NEDD4: variants seen among roughly 807,000 people sequenced by gnomAD.
NEDD4 encodes NEDD4 E3 ubiquitin protein ligase, also known as E3 ubiquitin-protein ligase NEDD4.
In NEDD4, 99 loss-of-function variants were observed where a neutral mutation model predicts 144.9. The observed-to-expected ratio is 0.68, with a 90% CI of 0.58 to 0.81. The LOEUF is 0.81. NEDD4 is among the 30% of genes least tolerant of loss of function. NEDD4 has a pLI of 0.00. For synonymous variants in NEDD4, 318 were observed against 350.6 expected (o/e 0.91, Z 1.04); for missense variants, 985 against 1,065.9 (o/e 0.92, Z 1.06).
chr15:55,835,869 T>C (rs1488208507), intron 24 of NEDD4, among the ~76,000 whole-genome samples: 1 of 152,198 alleles, frequency 6.6e-6, no homozygotes, highest in African/African-American at 2.4e-5. Context: ...AAATTGAATC[T>C]TGGTGTCTTA....
intron 1 of NEDD4, among the ~76,000 whole-genome samples, chr15:55,972,119 T>C (rs1167975464): frequency 6.6e-6 from 1 of 152,162 alleles, no homozygotes; most frequent in Non-Finnish European, 1.5e-5. Context: ...CTTCAAGAAA[T>C]GCTAAAGGGT....
intron 23 of NEDD4, 35 bp from the exon 24 acceptor site, chr15:55,837,884 C>A (rs766230903): frequency 1.2e-5 from 19 of 1,535,992 alleles, no homozygotes; most frequent in Admixed American, 3.5e-5. Flanking sequence ...TCATGTGAAC[C>A]AAGACAAAAT....
In NEDD4 at chr15:55,966,536, C is replaced by A. The variant is rs184505235; in HGVS notation, c.56G>T (p.Arg19Leu). Residue 19 changes from arginine (R) to leucine (L), a missense_variant, in exon 2 of 29, where the codon CGA (arginine) becomes CTA (leucine). Physicochemically the swap from Arg to Leu is moderately radical, Grantham distance 102 (BLOSUM62 -2). Coordinates refer to ENST00000435532, the MANE Select transcript of NEDD4 (RefSeq NM_006154.4). The stretch of plus-strand genomic sequence containing the variant: ...GGCTATAACTCTTACTCTCACAATT[C>A]GTGAATTTTCCTAAAATACAAAAAT... The part of the protein sequence containing the change: ...FGLLEDEENS[R>L]IVRVRVIAGI... 1 of 1,514,030 alleles carries A rather than the reference C, an allele frequency of 6.6e-7. No homozygotes were observed. Among genetic ancestry groups the A allele is most frequent in the Non-Finnish European group, 8.8e-7 (1 of 1,131,474 alleles). The allele number at this position is 1,514,030 out of a possible 1,614,324, so 93.8% of individuals were successfully genotyped here. A position where few individuals can be genotyped will look rare whatever the true frequency, so the allele number is the denominator to read the frequency against.
chr15:55,873,908 T>G, intron 6 of NEDD4, 50 bp downstream of exon 6: 4 of 974,028 alleles, frequency 4.1e-6, no homozygotes, highest in Non-Finnish European at 6.0e-6. Context: ...AAGTATTTAT[T>G]AAATTAAAAA....
rs546489584 is a variant in NEDD4, at chr15:55,863,067, C to T, written c.520G>A (p.Val174Ile). 8 of 1,579,700 alleles carry T rather than the reference C, an allele frequency of 5.1e-6. No individual in the cohort carries two copies. The highest frequency in any genetic ancestry group is 6.9e-6 in the Non-Finnish European group (8 of 1,157,300). The change falls in exon 9 of 29, where the codon GTT becomes ATT. Residue 174 changes from valine (V) to isoleucine (I), a missense_variant. Physicochemically the swap from Val to Ile is conservative, Grantham distance 29. Coordinates refer to ENST00000435532, the MANE Select transcript of NEDD4 (RefSeq NM_006154.4). ...CAAGCAGCATCTGGTTGGTCCAAAA[C>T]AACCCAGCCAGGCTGAAAAACAGGA... is the stretch of plus-strand genomic sequence containing the variant. ...QAEELEPGWV[V>I]LDQPDAACHL...
At chr15:55,898,183 G>T (rs2142144829) in intron 5 of NEDD4, among the ~76,000 whole-genome samples, 1 of 152,240 alleles carries the variant, frequency 6.6e-6, no homozygotes, top group Non-Finnish European at 1.5e-5. Flanking sequence ...TAATTCCTAA[G>T]TTTTTCCATA....
intron 5 of NEDD4, among the ~76,000 whole-genome samples, chr15:55,885,411 A>C (rs2035350337): frequency 1.3e-5 from 2 of 152,208 alleles, no homozygotes; most frequent in Non-Finnish European, 2.9e-5. Context: ...GAATATGATA[A>C]TACTGTAATT....
chr15:55,836,947 C>A (rs535702374), intron 24 of NEDD4, among the ~76,000 whole-genome samples: 2 of 152,306 alleles, frequency 1.3e-5, no homozygotes, highest in East Asian at 3.9e-4. Flanking sequence ...GCGTCAGCCA[C>A]CATGCCCAGC....
At chr15:55,973,391 AC>A (rs2037644390) in intron 1 of NEDD4, among the ~76,000 whole-genome samples, 1 of 149,380 alleles carries the variant, frequency 6.7e-6, no homozygotes, top group South Asian at 2.1e-4. Flanking sequence ...AAACAAAAAA[AC>A]AACAACAAAA....
Position 55,834,285 on chromosome 15 carries a change from C to A in NEDD4, c.2264G>T (p.Gly755Val). Residue 755 changes from glycine (G) to valine (V), a missense_variant and splice_region_variant, in exon 25 of 29, where the codon GGA becomes GTA. By Grantham distance (109) the Gly-to-Val change is moderately radical (BLOSUM62 -3). Coordinates refer to ENST00000435532, the MANE Select transcript of NEDD4 (RefSeq NM_006154.4). ...ATCCTGTGGTATTAGTTCAAAGAAT[C>A]CCTAGAAAAAAGATGTATTTAAAAA... The part of the protein sequence containing the change: ...IQKQMAAFKE[G>V]FFELIPQDLI... 6.2e-7 allele frequency: 1 copy of A among 1,600,080 alleles called. No homozygotes were observed.
intron 5 of NEDD4, among the ~76,000 whole-genome samples, chr15:55,877,247 A>G (rs2035026542): frequency 6.6e-6 from 1 of 152,132 alleles, no homozygotes; most frequent in Non-Finnish European, 1.5e-5. Flanking sequence ...AGTCCTGTCT[A>G]TTTAATTTCT....
intron 5 of NEDD4, among the ~76,000 whole-genome samples, chr15:55,884,043 C>T (rs1477018277): frequency 6.6e-6 from 1 of 152,074 alleles, no homozygotes; most frequent in East Asian, 1.9e-4. Context: ...CCATGTCTGG[C>T]TAATGTTTGT....
At chr15:55,979,635 G>A (rs1425529011) in intron 1 of NEDD4, among the ~76,000 whole-genome samples, 30 of 151,286 alleles carry the variant, frequency 2.0e-4, no homozygotes, top group Admixed American at 2.0e-3. Flanking sequence ...TTACAGGCGT[G>A]AGCCACCGCG....
rs1262332549 is a variant in NEDD4, at chr15:55,833,111, A to G, written c.2431-7T>C. 6.3e-7 allele frequency: 1 copy of G among 1,585,848 alleles called. No individual in the cohort carries two copies. The highest frequency in any genetic ancestry group is 8.6e-7 in the Non-Finnish European group (1 of 1,156,252). On this transcript the variant is annotated splice_polypyrimidine_tract_variant and splice_region_variant and intron_variant, in intron 26 of 28. Transcript: ENST00000435532. The stretch of plus-strand genomic sequence containing the variant: ...AATCCATCATTAAAACAGCCTGAAT[A>G]AGATAAAAACATCATTTAGGGAACA...
chr15:55,832,111 C>T (rs2032978118), intron 27 of NEDD4, among the ~76,000 whole-genome samples: 1 of 150,484 alleles, frequency 6.6e-6, no homozygotes, highest in African/African-American at 2.4e-5. Context: ...GATATGTAGT[C>T]TTCCCAGTCC....
intron 5 of NEDD4, among the ~76,000 whole-genome samples, chr15:55,910,877 T>G (rs2036250119): frequency 6.6e-6 from 1 of 152,122 alleles, no homozygotes; most frequent in Non-Finnish European, 1.5e-5. Flanking sequence ...AAAAATTGTC[T>G]TCTAAAAACC....
chr15:55,892,084 G>A (rs947369525), intron 5 of NEDD4, among the ~76,000 whole-genome samples: 2 of 151,792 alleles, frequency 1.3e-5, no homozygotes, highest in African/African-American at 2.4e-5. Context: ...TGGTCAAAAC[G>A]GCCAAACCCC....
At chr15:55,876,565 A>G (rs1431058543) in intron 5 of NEDD4, among the ~76,000 whole-genome samples, 1 of 152,222 alleles carries the variant, frequency 6.6e-6, no homozygotes, top group Non-Finnish European at 1.5e-5. Context: ...TTAATCATTA[A>G]TTGACTGCAG....
At chr15:55,939,374 T>A (rs1182665084) in intron 4 of NEDD4, among the ~76,000 whole-genome samples, 1 of 152,196 alleles carries the variant, frequency 6.6e-6, no homozygotes, top group Non-Finnish European at 1.5e-5. Context: ...AGGTGCCCGC[T>A]TCCTGTTCAT....
Sources: gnomAD v4.1 joint callset for allele counts (sites outside exome capture counted in the v4.1 genomes callset) on GRCh38, gnomAD v4.1.1 for gene constraint, MANE v1.5 for transcripts, NCBI Gene and HGNC (gene_info 2026-07-23, HGNC 2026-07-21) for gene names.